Variants in GGA3 observed in about 807,000 individuals in gnomAD.
GGA3 encodes the protein golgi associated, gamma adaptin ear containing, ARF binding protein 3, also known as ADP-ribosylation factor-binding protein GGA3.
Under a neutral mutation model 77.5 loss-of-function variants are expected in GGA3, and 57 were observed. The ratio of observed to expected loss-of-function variants is 0.74; its 90% confidence interval spans 0.59 to 0.92. The LOEUF (loss-of-function observed/expected upper bound fraction) is 0.92, where lower values mean the gene tolerates loss of function less well. Ranked by LOEUF, GGA3 falls within the 40% of genes least tolerant of loss-of-function variation. GGA3 has a pLI of 0.00. For missense variants in GGA3, 970 were observed against 914.9 expected, an observed-to-expected ratio of 1.06 and a Z score of -0.78; for synonymous variants, 416 against 383.7, an observed-to-expected ratio of 1.08 and a Z score of -0.98.
rs763315486 is a variant in GGA3 at position 75,237,851 on chromosome 17, G to A, written c.*428C>T. On this transcript the variant is annotated 3_prime_UTR_variant, in exon 17 of 17. Transcript: ENST00000537686. ...ACAGGGCTGCAGCCCCTTGGGCCGT[G>A]CATCTGTCAGGTGTGAGGATGTGGC... The A allele has an allele frequency of 2.1e-6, 3 of 1,409,838 alleles. No homozygotes were observed. Among genetic ancestry groups the A allele is most frequent in the Non-Finnish European group, 1.8e-6 (2 of 1,087,168 alleles). The allele number at this position is 1,409,838 out of a possible 1,614,324, so 87.3% of individuals were successfully genotyped here. A position where few individuals can be genotyped will look rare whatever the true frequency, so the allele number is the denominator to read the frequency against.
intron 13 of GGA3, 104 bp from the exon 14 acceptor site, chr17:75,239,675 C>G: frequency 6.8e-7 from 1 of 1,476,112 alleles, no homozygotes. Flanking sequence ...CACCCCTTGC[C>G]TTCCAGCCTG....
At chr17:75,249,843 C>G (rs1008748179) in intron 1 of GGA3, among the ~76,000 whole-genome samples, 1 of 152,196 alleles carries the variant, frequency 6.6e-6, no homozygotes, top group Non-Finnish European at 1.5e-5. Flanking sequence ...ATCTTCTTCC[C>G]AAGTCTATTA....
At chr17:75,243,928 G>A (rs7225349) in intron 4 of GGA3, among the ~76,000 whole-genome samples, 109,774 of 151,968 alleles carry the variant, frequency 0.72, 41,726 homozygotes, top group East Asian at 0.87. Flanking sequence ...TGTAAGGGCC[G>A]GATGGAAACC....
intron 5 of GGA3, 25 bp downstream of exon 5, chr17:75,243,422 A>G: frequency 6.2e-7 from 1 of 1,613,610 alleles, no homozygotes; most frequent in South Asian, 1.1e-5. Context: ...GGCTGCCTGG[A>G]GGCTGCGGGC....
upstream of GGA3, chr17:75,262,033 G>A (rs1327765703): frequency 5.6e-6 from 9 of 1,594,524 alleles, no homozygotes; most frequent in African/African-American, 1.1e-4. Context: ...GAAGGAAGGG[G>A]GCCACAGGCA....
intron 4 of GGA3, 67 bp downstream of exon 4, chr17:75,244,552 G>A: frequency 2.1e-6 from 2 of 968,990 alleles, no homozygotes; most frequent in Non-Finnish European, 3.4e-6. Flanking sequence ...GTGAAAGCCA[G>A]TATGATGGGA....
At chr17:75,243,591 A>G (rs1352657228) in intron 4 of GGA3, 21 bp from the exon 5 acceptor site, 1 of 1,612,840 alleles carries the variant, frequency 6.2e-7, no homozygotes, top group Non-Finnish European at 8.5e-7. Context: ...AAAGAAAATG[A>G]GGACCTAGTA....
chr17:75,236,761 T>G lies in GGA3; in HGVS notation c.*1518A>C, dbSNP rs1182592000. The G allele has an allele frequency of 2.6e-5, 4 of 154,104 alleles. No homozygotes were observed. 9.5% of individuals were successfully genotyped at this position (154,104 alleles called of 1,614,324 possible). Reference sequence around the variant, plus strand: ...AACACAAAGTTCCATTTCCACATAGTAATTCCACAGACATTCCCAGGGCTG... The same window carrying G: ...AACACAAAGTTCCATTTCCACATAGGAATTCCACAGACATTCCCAGGGCTG... On this transcript the variant is annotated 3_prime_UTR_variant, in exon 17 of 17. Transcript: ENST00000537686.
chr17:75,248,796 AAAAACAAAAACAAAAAAAAC>A (rs781674997), intron 1 of GGA3: 1 of 800,082 alleles, frequency 1.2e-6, no homozygotes, highest in Non-Finnish European at 1.4e-6. Context: ...AAAAAAAAAC[AAAAACAAAAACAAAAAAAAC>A]AAAACAAAAA....
chr17:75,262,253 G>T, upstream of GGA3: 1 of 634,570 alleles, frequency 1.6e-6, no homozygotes, highest in South Asian at 1.9e-5. Flanking sequence ...GAATTGGGAT[G>T]GGTGTGTAGG....
chr17:75,243,982 T>A (rs2076666215), intron 4 of GGA3, among the ~76,000 whole-genome samples: 1 of 152,120 alleles, frequency 6.6e-6, no homozygotes, highest in Admixed American at 6.5e-5. Flanking sequence ...TCACCCCTGC[T>A]CTCTGCCTTT....
Position 75,239,784 on chromosome 17 carries a change from A to G in GGA3, c.1583+5T>C. ...AGCAACCCCACATCTCCTCCCACTC[A>G]TTACACTTTGGCCTCTTCTAGAAGC... On this transcript the variant is annotated splice_donor_5th_base_variant and intron_variant, in intron 13 of 16. Transcript: ENST00000537686. 1.2e-6 allele frequency: 2 copies of G among 1,613,312 alleles called. No homozygotes were observed. The highest frequency in any genetic ancestry group is 1.7e-6 in the Non-Finnish European group (2 of 1,179,898).
chr17:75,240,738 G>C, intron 11 of GGA3, 74 bp downstream of exon 11: 2 of 1,489,594 alleles, frequency 1.3e-6, no homozygotes, highest in African/African-American at 2.8e-5. Flanking sequence ...CCCCGCTCAG[G>C]GCTCCTAATT....
chr17:75,240,236 T>A, intron 12 of GGA3, 106 bp downstream of exon 12: 1 of 1,125,058 alleles, frequency 8.9e-7, no homozygotes, highest in Non-Finnish European at 1.3e-6. Flanking sequence ...CCGCTGCAGC[T>A]GGCACGCTCT....
At chr17:75,248,994 G>A (rs1231166701) in intron 1 of GGA3, 1 of 985,058 alleles carries the variant, frequency 1.0e-6, no homozygotes, top group East Asian at 1.1e-4. Context: ...CTCCCCGGCA[G>A]TGTTTCTGTT....
rs754671083 is a variant in GGA3 at position 75,242,817 on chromosome 17, C to T, written c.609+14G>A. ...CTCCTCCACCCCGTGCCTGAAGGAC[C>T]GGGGCCCACTCACTTCCTTCACCAT... On this transcript the variant is annotated intron_variant, in intron 7 of 16. Transcript: ENST00000537686. 24 of 1,603,060 alleles carry T rather than the reference C, an allele frequency of 1.5e-5. No individual in the cohort carries two copies. The highest frequency in any genetic ancestry group is 1.3e-4 in the Admixed American group (8 of 59,998).
At chr17:75,258,825 G>GTTTT (rs141849647) in intron 1 of GGA3, among the ~76,000 whole-genome samples, 13 of 148,584 alleles carry the variant, frequency 8.7e-5, no homozygotes, top group Non-Finnish European at 1.3e-4. Flanking sequence ...ACCATCTAGT[G>GTTTT]TTTTTTTTTT....
chr17:75,246,662 C>G, intron 2 of GGA3, 50 bp downstream of exon 2: 2 of 1,594,816 alleles, frequency 1.3e-6, no homozygotes, highest in South Asian at 2.2e-5. Context: ...ATGGTTGTTC[C>G]CCTTCCCAGT....
At chr17:75,240,569 C>A (rs369261795) in intron 11 of GGA3, 157 bp from the exon 12 acceptor site, 31 of 661,368 alleles carry the variant, frequency 4.7e-5, no homozygotes, top group African/African-American at 2.0e-4. Context: ...GAATGGAGCG[C>A]TCCAGTCCAT....
Sources: allele counts gnomAD v4.1 joint callset (sites outside exome capture counted in the v4.1 genomes callset), GRCh38; gene constraint gnomAD v4.1.1; transcripts MANE v1.5; gene names NCBI Gene and HGNC (gene_info 2026-07-23, HGNC 2026-07-21).